The following CTNNA3 variants were observed in gnomAD, a reference collection of about 807,000 sequenced individuals.
CTNNA3 encodes the protein catenin alpha 3.
In CTNNA3, 76 loss-of-function variants were observed where a neutral mutation model predicts 95.7. The observed-to-expected ratio is 0.79, with a 90% CI of 0.66 to 0.96. The LOEUF (loss-of-function observed/expected upper bound fraction) is 0.96, where lower values mean the gene tolerates loss of function less well. CTNNA3 is among the 40% of genes least tolerant of loss of function. The pLI, the probability that CTNNA3 is intolerant of heterozygous loss-of-function variation, is 0.00. For missense variants in CTNNA3, 1,191 were observed against 1,089.8 expected, an observed-to-expected ratio of 1.09 and a Z score of -1.31; for synonymous variants, 431 against 374.4, an observed-to-expected ratio of 1.15 and a Z score of -1.74.
At chr10:66,573,130 G>T (rs1842917676) in intron 10 of CTNNA3, among the ~76,000 whole-genome samples, 1 of 152,102 alleles carries the variant, frequency 6.6e-6, no homozygotes, top group Non-Finnish European at 1.5e-5. Flanking sequence ...TATTTTCTGT[G>T]GCTCAGGTTC....
At chr10:66,242,174 T>G (rs1306426764) in intron 13 of CTNNA3, among the ~76,000 whole-genome samples, 1 of 152,176 alleles carries the variant, frequency 6.6e-6, no homozygotes, top group Non-Finnish European at 1.5e-5. Flanking sequence ...GATGTGGACC[T>G]TTGACCTTGG....
intron 9 of CTNNA3, among the ~76,000 whole-genome samples, chr10:66,728,411 C>T (rs554743352): frequency 6.6e-6 from 1 of 152,242 alleles, no homozygotes; most frequent in African/African-American, 2.4e-5. Context: ...GTTTATTTTG[C>T]TGTGTAGAAG....
At chr10:67,614,847 C>T (rs956860698) in intron 2 of CTNNA3, among the ~76,000 whole-genome samples, 3 of 152,182 alleles carry the variant, frequency 2.0e-5, no homozygotes, top group Admixed American at 2.0e-4. Context: ...TTGGTTTCTC[C>T]TGAGGCCTTG....
At chr10:66,164,359 T>G (rs1178324734) in intron 13 of CTNNA3, among the ~76,000 whole-genome samples, 1 of 152,168 alleles carries the variant, frequency 6.6e-6, no homozygotes, top group Non-Finnish European at 1.5e-5. Context: ...CATTTGTACA[T>G]TTGGGCAACT....
intron 9 of CTNNA3, among the ~76,000 whole-genome samples, chr10:66,761,034 T>C (rs1839579921): frequency 1.3e-5 from 2 of 152,176 alleles, no homozygotes. Context: ...GGAAAAGCTG[T>C]ATTTATTTAT....
At chr10:66,972,053 A>G (rs1849751133) in intron 7 of CTNNA3, among the ~76,000 whole-genome samples, 1 of 152,138 alleles carries the variant, frequency 6.6e-6, no homozygotes, top group Non-Finnish European at 1.5e-5. Flanking sequence ...CAGTCTTTAT[A>G]ATATCTTGAA....
intron 2 of CTNNA3, among the ~76,000 whole-genome samples, chr10:67,610,135 C>T (rs188270764): frequency 6.6e-6 from 1 of 152,308 alleles, no homozygotes; most frequent in Non-Finnish European, 1.5e-5. Flanking sequence ...ATTTTAAGTG[C>T]TGCAATTCAT....
At chr10:65,960,512 G>A (rs1324377981) in intron 17 of CTNNA3, among the ~76,000 whole-genome samples, 5 of 152,020 alleles carry the variant, frequency 3.3e-5, no homozygotes, top group Admixed American at 6.5e-5. Flanking sequence ...GTGACAGAGC[G>A]AGACTCCGTC....
chr10:67,127,144 T>A (rs1290096382), intron 7 of CTNNA3, among the ~76,000 whole-genome samples: 1 of 152,224 alleles, frequency 6.6e-6, no homozygotes, highest in Non-Finnish European at 1.5e-5. Flanking sequence ...TACATTTGTA[T>A]TTAGATTTTA....
intron 5 of CTNNA3, among the ~76,000 whole-genome samples, chr10:67,468,740 C>A (rs1285155673): frequency 6.6e-6 from 1 of 152,150 alleles, no homozygotes; most frequent in East Asian, 1.9e-4. Context: ...ACAATGGAAT[C>A]AGCTTTTTAT....
At chr10:66,842,960 A>C (rs1243590575) in intron 7 of CTNNA3, among the ~76,000 whole-genome samples, 1 of 152,160 alleles carries the variant, frequency 6.6e-6, no homozygotes, top group East Asian at 1.9e-4. Flanking sequence ...CTCATGAAAG[A>C]GGGGCTAGTC....
At chr10:67,282,792 G>T (rs1839450516) in intron 5 of CTNNA3, among the ~76,000 whole-genome samples, 1 of 152,044 alleles carries the variant, frequency 6.6e-6, no homozygotes, top group Admixed American at 6.6e-5. Flanking sequence ...CAAAATGAAG[G>T]CCTTAGCAGT....
intron 9 of CTNNA3, among the ~76,000 whole-genome samples, chr10:66,743,131 A>G (rs1849382576): frequency 6.6e-6 from 1 of 152,172 alleles, no homozygotes; most frequent in South Asian, 2.1e-4. Flanking sequence ...CAGGAGCACC[A>G]ACATGACTGG....
chr10:66,439,299 T>C (rs72791523), intron 11 of CTNNA3, among the ~76,000 whole-genome samples: 7,501 of 152,294 alleles, frequency 0.049, 257 homozygotes, highest in East Asian at 0.11. Flanking sequence ...TTATATTTTC[T>C]AATCTTTTTC....
At chr10:66,037,795 T>C (rs900911184) in intron 15 of CTNNA3, among the ~76,000 whole-genome samples, 4 of 152,220 alleles carry the variant, frequency 2.6e-5, no homozygotes, top group Non-Finnish European at 4.4e-5. Context: ...TCCCGTGTTG[T>C]TACTGCTGCT....
intron 5 of CTNNA3, among the ~76,000 whole-genome samples, chr10:67,456,492 T>A (rs192274349): frequency 6.6e-6 from 1 of 152,280 alleles, no homozygotes; most frequent in East Asian, 1.9e-4. Context: ...TCATTAAACT[T>A]GGGCTTCAAC....
intron 10 of CTNNA3, among the ~76,000 whole-genome samples, chr10:66,582,102 G>A (rs1408873874): frequency 4.0e-5 from 6 of 151,630 alleles, no homozygotes; most frequent in South Asian, 2.1e-4. Flanking sequence ...TGTTCTTTTC[G>A]TTTAGGTTGC....
At chr10:67,159,283 C>T (rs1237608129) in intron 7 of CTNNA3, among the ~76,000 whole-genome samples, 6 of 152,180 alleles carry the variant, frequency 3.9e-5, no homozygotes, top group Non-Finnish European at 7.3e-5. Flanking sequence ...ATTGCTCACT[C>T]GGGGAGCTCG....
At chr10:67,756,126 T>TA (rs1361696891) in intron 1 of CTNNA3, among the ~76,000 whole-genome samples, 2 of 151,830 alleles carry the variant, frequency 1.3e-5, no homozygotes, top group African/African-American at 4.8e-5. Flanking sequence ...CTTATGAAGA[T>TA]AGAGAGTAGA....
Sources: allele counts gnomAD v4.1 joint callset (sites outside exome capture counted in the v4.1 genomes callset), GRCh38; gene constraint gnomAD v4.1.1; transcripts MANE v1.5; gene names NCBI Gene and HGNC (gene_info 2026-07-23, HGNC 2026-07-21).